FMO2: variants seen among roughly 807,000 people sequenced by gnomAD.
The protein encoded by FMO2 is flavin-containing monooxygenase 2.
Under a neutral mutation model 41.6 loss-of-function variants are expected in FMO2, and 33 were observed. The ratio of observed to expected loss-of-function variants is 0.79; its 90% confidence interval spans 0.60 to 1.06. The LOEUF is 1.06. FMO2 is among the 50% of genes least tolerant of loss of function. The probability of loss-of-function intolerance (pLI) is 0.00; values close to 1 mark genes in which losing one functional copy is unlikely to be tolerated. For missense variants in FMO2, 619 were observed against 632.9 expected, an observed-to-expected ratio of 0.98 and a Z score of 0.23; for synonymous variants, 214 against 219.6, an observed-to-expected ratio of 0.97 and a Z score of 0.23.
intron 5 of FMO2, among the ~76,000 whole-genome samples, chr1:171,202,877 C>T (rs1233452157): frequency 1.3e-5 from 2 of 152,018 alleles, no homozygotes. Context: ...TGCATTTGGC[C>T]AATGGGGGAG....
At chr1:171,189,847 T>C (rs7534749) in intron 2 of FMO2, among the ~76,000 whole-genome samples, 53,143 of 151,594 alleles carry the variant, frequency 0.35, 10,255 homozygotes, top group East Asian at 0.55. Flanking sequence ...CATTTGGGAA[T>C]TGCAATTTTG....
In FMO2 at chr1:171,196,684, C is replaced by A; in HGVS notation, c.357C>A (p.Phe119Leu). The change falls in exon 4 of 9, where the codon TTC becomes TTA. Residue 119 changes from phenylalanine (F) to leucine (L), a missense_variant. By Grantham distance (22) the Phe-to-Leu change is conservative. Coordinates refer to ENST00000209929, the MANE Select transcript of FMO2 (RefSeq NM_001460.5). ...TTAGTGTGAGAAAATGTCCAGATTT[C>A]TCATCCTCTGGCCAATGGAAGGTTG... Reference protein sequence around the residue: ...TVLSVRKCPDFSSSGQWKVVT... With the variant: ...TVLSVRKCPDLSSSGQWKVVT... The A allele has an allele frequency of 3.7e-6, 6 of 1,613,380 alleles. No individual in the cohort carries two copies. The highest frequency in any genetic ancestry group is 4.2e-6 in the Non-Finnish European group (5 of 1,179,832).
chr1:171,204,819 A>G (rs1163781165), intron 6 of FMO2, among the ~76,000 whole-genome samples: 2 of 152,252 alleles, frequency 1.3e-5, no homozygotes, highest in Non-Finnish European at 2.9e-5. Context: ...CTAATTTTAT[A>G]CATTAATTTT....
intron 3 of FMO2, 39 bp downstream of exon 3, chr1:171,193,562 T>C (rs1329931221): frequency 1.6e-6 from 2 of 1,287,462 alleles, no homozygotes; most frequent in African/African-American, 1.5e-5. Flanking sequence ...TCTGCATTAG[T>C]TCAGCTCATA....
chr1:171,185,865 G>A lies in FMO2; in HGVS notation c.132+20G>A, dbSNP rs1657824816. ...TTCAAAGTAAGTGAGATTTTCTTGG[G>A]TCTTGAACAGGTTGTGTTGTTATTT... On this transcript the variant is annotated intron_variant, in intron 2 of 8. Coordinates refer to ENST00000209929, the MANE Select transcript of FMO2 (RefSeq NM_001460.5). 1 of 1,612,162 alleles carries A rather than the reference G, an allele frequency of 6.2e-7. No individual in the cohort carries two copies. The highest frequency in any genetic ancestry group is 8.5e-7 in the Non-Finnish European group (1 of 1,178,468).
rs972604904 is a variant in FMO2, at chr1:171,212,480, C to T, written c.*3335C>T. On this transcript the variant is annotated 3_prime_UTR_variant, in exon 9 of 9. Coordinates refer to ENST00000209929, the MANE Select transcript of FMO2 (RefSeq NM_001460.5). ...ACACCACCCTTTTCCAAAATCTCTC[C>T]TTGTGATGGCTCCCTTTACTAACCT... Among the ~76,000 whole-genome samples, 4 of 152,172 alleles carry T rather than the reference C, an allele frequency of 2.6e-5. No individual in the cohort carries two copies. Among genetic ancestry groups the T allele is most frequent in the African/African-American group, 9.7e-5 (4 of 41,436 alleles).
chr1:171,187,868 GC>G (rs1473364303), intron 2 of FMO2, among the ~76,000 whole-genome samples: 2 of 151,998 alleles, frequency 1.3e-5, no homozygotes, highest in Non-Finnish European at 2.9e-5. Flanking sequence ...GGGTAGCTTT[GC>G]AAAAAGGAAA....
At chr1:171,185,499 A>G in intron 1 of FMO2, 140 bp downstream of exon 1, 1 of 472,206 alleles carries the variant, frequency 2.1e-6, no homozygotes, top group Non-Finnish European at 3.8e-6. Context: ...AGCTAGATGT[A>G]AGCAAGGTTT....
chr1:171,205,760 C>A, intron 7 of FMO2, 126 bp downstream of exon 7: 1 of 575,720 alleles, frequency 1.7e-6, no homozygotes, highest in Non-Finnish European at 3.0e-6. Flanking sequence ...GCTGCTCTCA[C>A]AAGACTAACA....
intron 2 of FMO2, chr1:171,188,772 A>G (rs1657958160): frequency 6.6e-6 from 1 of 152,236 alleles, no homozygotes; most frequent in Non-Finnish European, 1.5e-5. Flanking sequence ...CAAGTTAACA[A>G]TAAATAAGTA....
intron 7 of FMO2, among the ~76,000 whole-genome samples, chr1:171,206,715 C>T (rs1460437036): frequency 6.6e-6 from 1 of 152,168 alleles, no homozygotes; most frequent in African/African-American, 2.4e-5. Context: ...AGCAGATTTA[C>T]ACTTCAGATA....
chr1:171,198,520 T>A (rs1658390252), intron 4 of FMO2, among the ~76,000 whole-genome samples: 1 of 151,550 alleles, frequency 6.6e-6, no homozygotes, highest in Non-Finnish European at 1.5e-5. Flanking sequence ...GTTCAAGCAA[T>A]TCTCCTGCCT....
In FMO2 at chr1:171,212,493, C is replaced by T. The variant is rs1240383421; in HGVS notation, c.*3348C>T. Among the ~76,000 whole-genome samples the T allele has an allele frequency of 6.6e-6, 1 of 152,086 alleles. No homozygotes were observed. Among genetic ancestry groups the T allele is most frequent in the African/African-American group, 2.4e-5 (1 of 41,394 alleles). On this transcript the variant is annotated 3_prime_UTR_variant, in exon 9 of 9. Coordinates refer to ENST00000209929, the MANE Select transcript of FMO2 (RefSeq NM_001460.5). ...CCAAAATCTCTCCTTGTGATGGCTC[C>T]CTTTACTAACCTTTCTTTTAGCTAT...
intron 2 of FMO2, among the ~76,000 whole-genome samples, chr1:171,186,775 A>G (rs1430293166): frequency 6.6e-6 from 1 of 152,202 alleles, no homozygotes; most frequent in Admixed American, 6.5e-5. Flanking sequence ...ATAGATAGCT[A>G]TAAGGAGTTA....
rs752243626 is a variant in FMO2, at chr1:171,208,795, T to A, written c.1258T>A (p.Phe420Ile). The A allele has an allele frequency of 1.2e-6, 2 of 1,613,564 alleles. No homozygotes were observed. Among genetic ancestry groups the A allele is most frequent in the South Asian group, 2.2e-5 (2 of 90,990 alleles). ...TCCCTTTTTACTTTCTTCACTAAGGTTTGGAGAAAGCCAGAGCCAGACGTT... is the reference window on the plus strand; with the variant it reads ...TCCCTTTTTACTTTCTTCACTAAGGATTGGAGAAAGCCAGAGCCAGACGTT... ...IKRNEKRIDL[F>I]GESQSQTLQT... is the part of the protein sequence containing the mutation. The change falls in exon 9 of 9, where the codon TTT (phenylalanine) becomes ATT (isoleucine). Residue 420 changes from phenylalanine to isoleucine, a missense_variant and splice_region_variant. Phe to Ile is a conservative substitution (Grantham distance 21). Transcript: ENST00000209929.
chr1:171,193,746 G>A (rs1055661760), intron 3 of FMO2, among the ~76,000 whole-genome samples: 1 of 151,358 alleles, frequency 6.6e-6, no homozygotes. Context: ...TAAAGTTAAA[G>A]GTTTGAATAA....
At position 171,205,525 on chromosome 1, in the gene FMO2, C is replaced by T. The variant is rs748454474; in HGVS notation, c.1074C>T (p.Pro358=). Residue 358 remains proline, a synonymous_variant, in exon 7 of 9, where the codon CCC becomes CCT. Coordinates refer to ENST00000209929, the MANE Select transcript of FMO2 (RefSeq NM_001460.5). ...NMVSLYKYIF[P]AHLDKSTLAC... is the part of the protein sequence containing the mutation. ...TCTCACTGTATAAATACATATTCCC[C>T]GCTCACCTGGACAAGTCAACCCTCG... 31 of 1,613,710 alleles carry T rather than the reference C, an allele frequency of 1.9e-5. No homozygotes were observed. Among genetic ancestry groups the T allele is most frequent in the East Asian group, 1.1e-4 (5 of 44,876 alleles).
At chr1:171,191,551 T>C (rs1658082384) in intron 2 of FMO2, among the ~76,000 whole-genome samples, 1 of 152,156 alleles carries the variant, frequency 6.6e-6, no homozygotes, top group African/African-American at 2.4e-5. Flanking sequence ...ATTAAAGCCT[T>C]GAAACAATTG....
intron 3 of FMO2, among the ~76,000 whole-genome samples, chr1:171,195,278 A>T (rs1658258427): frequency 6.6e-6 from 1 of 152,206 alleles, no homozygotes; most frequent in African/African-American, 2.4e-5. Flanking sequence ...ATGATTGTCA[A>T]TGTAATCTAC....
Sources: allele counts gnomAD v4.1 joint callset (sites outside exome capture counted in the v4.1 genomes callset), GRCh38; gene constraint gnomAD v4.1.1; transcripts MANE v1.5; gene names NCBI Gene and HGNC (gene_info 2026-07-23, HGNC 2026-07-21).